The following GGT1 variants were observed in gnomAD, a reference collection of about 807,000 sequenced individuals.
GGT1 encodes the protein glutathione hydrolase 1 proenzyme.
Under a neutral mutation model 56.0 loss-of-function variants are expected in GGT1, and 21 were observed. The ratio of observed to expected loss-of-function variants is 0.38; its 90% CI spans 0.27 to 0.54. GGT1 has a LOEUF of 0.54. Ranked by LOEUF, GGT1 falls within the 20% of genes least tolerant of loss-of-function variation. The pLI, the probability that GGT1 is intolerant of heterozygous loss-of-function variation, is 0.82. For synonymous variants in GGT1, 238 were observed against 342.6 expected, an observed-to-expected ratio of 0.69 and a Z score of 3.37; for missense variants, 466 against 787.0, an observed-to-expected ratio of 0.59 and a Z score of 4.88.
upstream of GGT1, among the ~76,000 whole-genome samples, chr22:24,602,134 G>T (rs898456100): frequency 6.6e-6 from 1 of 152,176 alleles, no homozygotes; most frequent in African/African-American, 2.4e-5. Context: ...ACGGGCCTAG[G>T]GTGGTCAAGA....
At chr22:24,609,771 C>T (rs1245656872) in intron 2 of GGT1, 194 bp from the exon 3 acceptor site, 1 of 300,374 alleles carries the variant, frequency 3.3e-6, no homozygotes, top group Non-Finnish European at 7.1e-6. Context: ...AGCCATGAGA[C>T]TTCCCAAGGG....
intron 7 of GGT1, among the ~76,000 whole-genome samples, chr22:24,616,701 C>T (rs564912079): frequency 7.3e-5 from 11 of 151,724 alleles, no homozygotes; most frequent in Non-Finnish European, 1.2e-4. Flanking sequence ...CCTGCCACCA[C>T]GCCCAGCTAA....
Position 24,623,824 on chromosome 22 carries a change from G to C in GGT1, c.928G>C (p.Gly310Arg). Reference sequence around the variant, plus strand: ...GAGCGTGGAGAGCCCCGAGCAGAAGGGCCTGACGTACCACCGCATCGTAGA... The same window carrying C: ...GAGCGTGGAGAGCCCCGAGCAGAAGCGCCTGACGTACCACCGCATCGTAGA... Reference protein sequence around the residue: ...RESVESPEQKGLTYHRIVEAF... With the variant: ...RESVESPEQKRLTYHRIVEAF... The change falls in exon 11 of 16, where the codon GGC becomes CGC. Residue 310 changes from glycine to arginine, a missense_variant. Physicochemically the swap from Gly to Arg is moderately radical, Grantham distance 125. Transcript: ENST00000400382. The C allele has an allele frequency of 6.2e-7, 1 of 1,611,788 alleles. No individual in the cohort carries two copies. Among genetic ancestry groups the C allele is most frequent in the South Asian group, 1.1e-5 (1 of 90,970 alleles).
At chr22:24,597,132 G>A (rs945939123) in intron 1 of GGT1, among the ~76,000 whole-genome samples, 1 of 151,640 alleles carries the variant, frequency 6.6e-6, no homozygotes, top group Non-Finnish European at 1.5e-5. Context: ...ACAGGTGCCC[G>A]CCACCACGCC....
chr22:24,594,405 G>A (rs1431330199), upstream of GGT1, among the ~76,000 whole-genome samples: 1 of 151,598 alleles, frequency 6.6e-6, no homozygotes, highest in Non-Finnish European at 1.5e-5. Context: ...GTGTGTGTGT[G>A]TGTGTGTGTG....
At chr22:24,627,376 G>GCCCCCAGGGC in intron 11 of GGT1, 56 bp from the exon 12 acceptor site, 10 of 896,764 alleles carry the variant, frequency 1.1e-5, no homozygotes, top group East Asian at 2.7e-5. Flanking sequence ...TGAGACCTGT[G>GCCCCCAGGGC]CCCCCTCCCC....
chr22:24,591,442 T>C (rs2147170938), upstream of GGT1, among the ~76,000 whole-genome samples: 1 of 152,334 alleles, frequency 6.6e-6, no homozygotes, highest in South Asian at 2.1e-4. Context: ...GAGGGGCCTC[T>C]AGACCCCATG....
Position 24,615,234 on chromosome 22 carries a change from G to A in GGT1, c.382+107G>A, listed in dbSNP as rs1432610596. ...CCCGTCAGGGTTCAGGGGCAGTTCT[G>A]TCACCCCCCATCCCTTCCTGTCCCC... On this transcript the variant is annotated intron_variant, in intron 7 of 15. Transcript: ENST00000400382. 4.4e-4 allele frequency: 323 copies of A among 741,038 alleles called. 4 individuals carry two copies. The East Asian group carries it at 6.3e-3, about 14-fold the overall frequency. 45.9% of individuals were successfully genotyped at this position (741,038 alleles called of 1,614,324 possible).
At chr22:24,588,132 C>G in the GGT1 span, 1 of 1,103,492 alleles carries the variant, frequency 9.1e-7, no homozygotes, top group Non-Finnish European at 1.4e-6. Context: ...CAGCACCAGC[C>G]TCTTGGTGAG....
chr22:24,624,535 C>G (rs2047632117), intron 11 of GGT1: 1 of 969,888 alleles, frequency 1.0e-6, no homozygotes, highest in South Asian at 4.7e-5. Context: ...GGTGTCTTCT[C>G]TTTCCCCGTG....
chr22:24,588,633 T>C, the GGT1 span: 1 of 1,094,750 alleles, frequency 9.1e-7, no homozygotes, highest in Non-Finnish European at 1.2e-6. Context: ...CGTCTCGGGC[T>C]ATCAGCCGGC....
chr22:24,611,469 A>C (rs1415266732), intron 5 of GGT1, among the ~76,000 whole-genome samples: 2 of 151,810 alleles, frequency 1.3e-5, no homozygotes, highest in African/African-American at 4.8e-5. Flanking sequence ...CTTTGGAATA[A>C]ACTGCACTGT....
intron 9 of GGT1, among the ~76,000 whole-genome samples, chr22:24,622,493 G>A (rs371194384): frequency 6.6e-6 from 1 of 152,188 alleles, no homozygotes; most frequent in African/African-American, 2.4e-5. Context: ...GAACCTGGGA[G>A]GTGGAGCTTG....
rs4049925 is a variant in GGT1, at chr22:24,606,080, C to T, written c.-428-1874C>T. 4.6e-3 allele frequency among the ~76,000 whole-genome samples: 172 copies of T among 37,160 alleles called. 14 individuals are homozygous for T. The highest frequency in any genetic ancestry group is 5.5e-3 in the African/African-American group (32 of 5,790). The allele number at this position is 37,160 out of a possible 152,430, so 24.4% of individuals were successfully genotyped here. On this transcript the variant is annotated intron_variant, in intron 1 of 15. Coordinates refer to ENST00000400382, the MANE Select transcript of GGT1 (RefSeq NM_001288833.2). ...TATTTATATAATTTATATAATATAT[C>T]ATATATTATATTTATATAATTTATA...
At position 24,620,683 on chromosome 22, in the gene GGT1, G is replaced by T. The variant is rs1378391809; in HGVS notation, c.575+163G>T. Reference sequence around the variant, plus strand: ...CCCACCACGTGTGGGGACACATTCTGAGCGTGGGGTCCCAGTGGCCACTGT... The same window carrying T: ...CCCACCACGTGTGGGGACACATTCTTAGCGTGGGGTCCCAGTGGCCACTGT... On this transcript the variant is annotated intron_variant, in intron 8 of 15. Transcript: ENST00000400382. This position sits in a 1 kb window ranked among gnomAD's most constrained non-coding sequence, Gnocchi z 5.6. 4 of 1,459,142 alleles carry T rather than the reference G, an allele frequency of 2.7e-6. No individual in the cohort carries two copies. The highest frequency in any genetic ancestry group is 3.6e-6 in the Non-Finnish European group (4 of 1,103,936). The allele number at this position is 1,459,142 out of a possible 1,614,324, so 90.4% of individuals were successfully genotyped here.
chr22:24,588,113 G>A, the GGT1 span: 4 of 916,954 alleles, frequency 4.4e-6, no homozygotes, highest in South Asian at 3.0e-5. Context: ...GCCTCACCAG[G>A]TGGGATTTCA....
the GGT1 span, chr22:24,588,835 T>C: frequency 9.9e-7 from 1 of 1,012,014 alleles, no homozygotes. Context: ...CTGACAGGGC[T>C]GGGGGATGTA....
At chr22:24,608,417 A>G (rs1426632756) in intron 2 of GGT1, among the ~76,000 whole-genome samples, 1 of 152,160 alleles carries the variant, frequency 6.6e-6, no homozygotes, top group Non-Finnish European at 1.5e-5. Flanking sequence ...AGACAGATTA[A>G]CAGACAGGCG....
chr22:24,590,567 T>C (rs1264764580), upstream of GGT1, among the ~76,000 whole-genome samples: 1 of 152,126 alleles, frequency 6.6e-6, no homozygotes, highest in Admixed American at 6.5e-5. Flanking sequence ...TGGGATTCTT[T>C]GGGGTCTTTC....
Sources: allele counts gnomAD v4.1 joint callset (sites outside exome capture counted in the v4.1 genomes callset), GRCh38; gene constraint gnomAD v4.1.1; non-coding constraint Gnocchi (gnomAD v3.1); transcripts MANE v1.5; gene names NCBI Gene and HGNC (gene_info 2026-07-23, HGNC 2026-07-21).